Variants in UQCC1 observed in about 807,000 individuals in gnomAD.
The protein encoded by UQCC1 is bFGF-repressed Zic-binding protein.
UQCC1 carries 38 observed loss-of-function variants against 48.0 expected under a neutral mutation model. That is an observed-to-expected ratio of 0.79 (90% CI 0.61 to 1.04). UQCC1 has a LOEUF of 1.04. Ranked by LOEUF, UQCC1 falls within the 50% of genes least tolerant of loss-of-function variation. UQCC1 has a pLI of 0.00. For missense variants in UQCC1, 368 were observed against 381.8 expected, an observed-to-expected ratio of 0.96 and a Z score of 0.30; for synonymous variants, 111 against 129.2, an observed-to-expected ratio of 0.86 and a Z score of 0.95.
intron 7 of UQCC1, among the ~76,000 whole-genome samples, chr20:35,341,591 T>C (rs2061379460): frequency 1.3e-5 from 2 of 152,294 alleles, no homozygotes; most frequent in South Asian, 4.1e-4. Context: ...CCACAGGAAT[T>C]CACCTGGAAG....
At chr20:35,367,869 C>G (rs1165293021) in intron 5 of UQCC1, among the ~76,000 whole-genome samples, 1 of 152,076 alleles carries the variant, frequency 6.6e-6, no homozygotes, top group Non-Finnish European at 1.5e-5. Context: ...TGTTCATCAC[C>G]CCCCCAGAAA....
intron 7 of UQCC1, among the ~76,000 whole-genome samples, chr20:35,321,772 G>A (rs1445765773): frequency 1.3e-5 from 2 of 152,126 alleles, no homozygotes; most frequent in African/African-American, 4.8e-5. Flanking sequence ...ACATGTTCAA[G>A]ACTGCATAGC....
intron 6 of UQCC1, 53 bp downstream of exon 6, chr20:35,366,504 C>A: frequency 1.3e-6 from 2 of 1,521,852 alleles, no homozygotes; most frequent in South Asian, 2.3e-5. Flanking sequence ...CCTTACAAGT[C>A]AGCAGTGTTT....
At chr20:35,399,798 C>T (rs952506501) in intron 1 of UQCC1, among the ~76,000 whole-genome samples, 1 of 143,366 alleles carries the variant, frequency 7.0e-6, no homozygotes, top group Non-Finnish European at 1.5e-5. Context: ...ACAGAGATTA[C>T]AGTGAGCCAA....
chr20:35,406,898 G>A (rs370450850), intron 1 of UQCC1, among the ~76,000 whole-genome samples: 3 of 152,140 alleles, frequency 2.0e-5, no homozygotes, highest in Admixed American at 6.6e-5. Flanking sequence ...AATGAAGTTC[G>A]TATTAATCCA....
chr20:35,333,643 G>T (rs2061282910), intron 7 of UQCC1, among the ~76,000 whole-genome samples: 1 of 150,802 alleles, frequency 6.6e-6, no homozygotes, highest in South Asian at 2.1e-4. Context: ...CAGGAACAGG[G>T]CAAACGGCTC....
chr20:35,317,620 T>G (rs964597751), intron 7 of UQCC1, among the ~76,000 whole-genome samples: 1 of 152,228 alleles, frequency 6.6e-6, no homozygotes, highest in Non-Finnish European at 1.5e-5. Flanking sequence ...GAGCTGCTTA[T>G]GCACCTGTCT....
chr20:35,336,358 G>T (rs1218287084), intron 7 of UQCC1, among the ~76,000 whole-genome samples: 2 of 152,216 alleles, frequency 1.3e-5, no homozygotes, highest in African/African-American at 4.8e-5. Context: ...AAAGGATTTT[G>T]CAGCTGTGAT....
In UQCC1 at chr20:35,394,112, C is replaced by A. The variant is rs1019129354; in HGVS notation, c.109G>T (p.Ala37Ser). ...CTTACCTGGGAAGTGCGAGACAGAGCCCTGTCCCCCTGTCCTTGGGTAGGA... is the reference window on the plus strand; with the variant it reads ...CTTACCTGGGAAGTGCGAGACAGAGACCTGTCCCCCTGTCCTTGGGTAGGA... ...VSPTQGQGDR[A>S]LSRTSQWPQM... Residue 37 changes from alanine to serine, a missense_variant, in exon 2 of 10, where the codon GCT becomes TCT. Transcript: ENST00000374385. The A allele has an allele frequency of 4.3e-6, 7 of 1,613,756 alleles. No individual in the cohort carries two copies. The highest frequency in any genetic ancestry group is 1.3e-5 in the African/African-American group (1 of 74,868).
chr20:35,338,892 A>AAAAT (rs1555805500), intron 7 of UQCC1, among the ~76,000 whole-genome samples: 6 of 30,572 alleles, frequency 2.0e-4, no homozygotes, highest in Non-Finnish European at 2.4e-4. Context: ...AAAAAAAAAA[A>AAAAT]ATATATATAT....
At chr20:35,352,930 C>T (rs1031876123) in intron 6 of UQCC1, among the ~76,000 whole-genome samples, 2 of 152,078 alleles carry the variant, frequency 1.3e-5, no homozygotes, top group East Asian at 1.9e-4. Context: ...AGTGATCTAC[C>T]TTGGCCTCCC....
chr20:35,325,501 C>T (rs2061182374), intron 7 of UQCC1, among the ~76,000 whole-genome samples: 1 of 152,216 alleles, frequency 6.6e-6, no homozygotes, highest in African/African-American at 2.4e-5. Flanking sequence ...AACTGATGTT[C>T]CTCACCAGAC....
intron 7 of UQCC1, 136 bp from the exon 8 acceptor site, chr20:35,314,901 C>A: frequency 1.8e-6 from 1 of 569,406 alleles, no homozygotes; most frequent in Non-Finnish European, 2.9e-6. Flanking sequence ...GCTGCCAGTC[C>A]ATTCTCAATT....
intron 3 of UQCC1, among the ~76,000 whole-genome samples, chr20:35,383,828 G>T (rs538343026): frequency 5.9e-5 from 9 of 152,144 alleles, no homozygotes; most frequent in Middle Eastern, 3.4e-3. Context: ...TCTAGCCTGG[G>T]TGACAGAGCA....
intron 9 of UQCC1, among the ~76,000 whole-genome samples, chr20:35,306,185 AC>A (rs1353696068): frequency 6.6e-6 from 1 of 152,144 alleles, no homozygotes; most frequent in Non-Finnish European, 1.5e-5. Flanking sequence ...GGGGGACTCT[AC>A]TTGACTGTGG....
At chr20:35,384,219 G>C in intron 2 of UQCC1, 86 bp from the exon 3 acceptor site, 1 of 1,225,080 alleles carries the variant, frequency 8.2e-7, no homozygotes, top group Non-Finnish European at 1.2e-6. Flanking sequence ...AAGACTATAG[G>C]ATCTTTCCAA....
intron 9 of UQCC1, chr20:35,306,337 C>A: frequency 3.6e-6 from 1 of 280,026 alleles, no homozygotes; most frequent in Non-Finnish European, 7.0e-6. Context: ...GTGCTCATAT[C>A]TGCCAGGACT....
intron 7 of UQCC1, among the ~76,000 whole-genome samples, chr20:35,321,960 T>C (rs2061135879): frequency 6.6e-6 from 1 of 152,202 alleles, no homozygotes; most frequent in Admixed American, 6.5e-5. Context: ...TGAGAAAACA[T>C]GAGAACACAT....
At chr20:35,376,927 C>A (rs902136835) in intron 4 of UQCC1, among the ~76,000 whole-genome samples, 62 of 149,358 alleles carry the variant, frequency 4.2e-4, no homozygotes, top group African/African-American at 1.5e-3. Flanking sequence ...TCCAGCCTGG[C>A]GACAGAGTGA....
Sources: allele counts gnomAD v4.1 joint callset (sites outside exome capture counted in the v4.1 genomes callset), GRCh38; gene constraint gnomAD v4.1.1; transcripts MANE v1.5; gene names NCBI Gene and HGNC (gene_info 2026-07-23, HGNC 2026-07-21).